The following COL8A1 variants were observed in gnomAD, a reference collection of about 807,000 sequenced individuals.
The protein encoded by COL8A1 is collagen alpha-1(VIII) chain.
Under a neutral mutation model 42.7 loss-of-function variants are expected in COL8A1, and 21 were observed. The ratio of observed to expected loss-of-function variants is 0.49; its 90% CI spans 0.35 to 0.71. COL8A1 has a LOEUF of 0.71. COL8A1 is among the 30% of genes least tolerant of loss of function. COL8A1 has a pLI of 0.01. For missense variants in COL8A1, 788 were observed against 962.4 expected, an observed-to-expected ratio of 0.82 and a Z score of 2.40; for synonymous variants, 367 against 369.1, an observed-to-expected ratio of 0.99 and a Z score of 0.06.
chr3:99,697,302 A>G (rs1165096537), intron 1 of COL8A1, among the ~76,000 whole-genome samples: 1 of 152,348 alleles, frequency 6.6e-6, no homozygotes, highest in South Asian at 2.1e-4. Context: ...TTAAAATAAC[A>G]CAAAGAACTT....
At chr3:99,693,521 TTG>T (rs1939282828) in intron 1 of COL8A1, among the ~76,000 whole-genome samples, 1 of 152,200 alleles carries the variant, frequency 6.6e-6, no homozygotes, top group Non-Finnish European at 1.5e-5. Flanking sequence ...ATGTGTGTGT[TTG>T]TGTTTTTAAC....
intron 1 of COL8A1, among the ~76,000 whole-genome samples, chr3:99,667,880 T>C (rs537797923): frequency 6.6e-6 from 1 of 152,228 alleles, no homozygotes; most frequent in South Asian, 2.1e-4. Context: ...TAGGTTTTTA[T>C]CTCCTTGTAG....
At chr3:99,690,578 T>A (rs890158899) in intron 1 of COL8A1, among the ~76,000 whole-genome samples, 5 of 152,230 alleles carry the variant, frequency 3.3e-5, no homozygotes, top group Admixed American at 3.3e-4. Context: ...CAAAAAATAT[T>A]ATTGGATGTG....
chr3:99,668,308 C>T (rs989979091), intron 1 of COL8A1, among the ~76,000 whole-genome samples: 3 of 152,180 alleles, frequency 2.0e-5, no homozygotes, highest in African/African-American at 7.2e-5. Flanking sequence ...TACATGTCAT[C>T]AAATGCCCTT....
At chr3:99,730,147 T>A (rs919621151) in intron 1 of COL8A1, among the ~76,000 whole-genome samples, 1 of 152,144 alleles carries the variant, frequency 6.6e-6, no homozygotes, top group African/African-American at 2.4e-5. Flanking sequence ...GAATAGAATC[T>A]TTATTTCCAT....
intron 1 of COL8A1, among the ~76,000 whole-genome samples, chr3:99,682,964 G>A (rs1230850672): frequency 6.6e-6 from 1 of 152,178 alleles, no homozygotes; most frequent in East Asian, 1.9e-4. Flanking sequence ...GCCACGAAGT[G>A]TAGAAAAAAT....
At position 99,731,624 on chromosome 3, in the gene COL8A1, C is replaced by T. The variant is rs992814119; in HGVS notation, c.-128-13273C>T. ...TTCAAAGTGCACCTCATCTGCTGTG[C>T]ACAGAGTAGAGCAAGAGTAGAGGTG... On this transcript the variant is annotated intron_variant, in intron 1 of 3. Transcript: ENST00000652472. Among the ~76,000 whole-genome samples, 23 of 152,116 alleles carry T rather than the reference C, an allele frequency of 1.5e-4. 1 individual carries two copies. The highest frequency in any genetic ancestry group is 5.1e-4 in the African/African-American group (21 of 41,432).
intron 2 of COL8A1, among the ~76,000 whole-genome samples, chr3:99,766,893 G>A (rs1334994257): frequency 2.6e-5 from 4 of 151,708 alleles, no homozygotes; most frequent in African/African-American, 9.7e-5. Context: ...AGGTTGCAGT[G>A]AGCCAATATC....
intron 2 of COL8A1, among the ~76,000 whole-genome samples, chr3:99,749,951 T>C (rs975105290): frequency 4.0e-5 from 6 of 151,870 alleles, no homozygotes; most frequent in African/African-American, 1.4e-4. Context: ...AAGGTAGAGA[T>C]TTAAAATTAT....
intron 2 of COL8A1, among the ~76,000 whole-genome samples, chr3:99,782,803 A>T (rs2107448916): frequency 6.6e-6 from 1 of 152,306 alleles, no homozygotes; most frequent in East Asian, 1.9e-4. Flanking sequence ...TCATTCTGCA[A>T]ATGAGGGAAC....
chr3:99,692,673 T>A (rs974138076), intron 1 of COL8A1, among the ~76,000 whole-genome samples: 1 of 152,216 alleles, frequency 6.6e-6, no homozygotes, highest in Non-Finnish European at 1.5e-5. Flanking sequence ...TACTATACAG[T>A]CATGAGCTAT....
intron 1 of COL8A1, among the ~76,000 whole-genome samples, chr3:99,668,134 CT>C (rs1021250379): frequency 2.6e-5 from 4 of 152,010 alleles, no homozygotes; most frequent in African/African-American, 9.7e-5. Flanking sequence ...GTAGACCTCC[CT>C]TTTTTTAAAC....
chr3:99,680,068 C>T (rs975291912), intron 1 of COL8A1: 3 of 152,052 alleles, frequency 2.0e-5, no homozygotes, highest in African/African-American at 7.2e-5. Context: ...CATATGTATA[C>T]ATGTGCCATG....
intron 2 of COL8A1, among the ~76,000 whole-genome samples, chr3:99,789,786 ACTTT>A (rs966251514): frequency 4.5e-4 from 69 of 152,336 alleles, no homozygotes; most frequent in African/African-American, 1.5e-3. Context: ...TGCTTTGTAA[ACTTT>A]CTTTCACAAA....
intron 1 of COL8A1, among the ~76,000 whole-genome samples, chr3:99,717,968 A>T (rs1348048565): frequency 6.6e-6 from 1 of 152,020 alleles, no homozygotes; most frequent in East Asian, 1.9e-4. Context: ...CTAAACAGAC[A>T]AGGGTCTTTG....
chr3:99,691,641 C>T (rs1939221380), intron 1 of COL8A1: 1 of 151,426 alleles, frequency 6.6e-6, no homozygotes, highest in South Asian at 2.1e-4. Flanking sequence ...TCACTGCCAC[C>T]CAGCCACCCT....
At chr3:99,727,499 G>A (rs1335309010) in intron 1 of COL8A1, among the ~76,000 whole-genome samples, 1 of 152,022 alleles carries the variant, frequency 6.6e-6, no homozygotes. Flanking sequence ...AAGGTGTAAG[G>A]AAGGGATCCA....
At chr3:99,739,402 G>T (rs978046099) in intron 1 of COL8A1, among the ~76,000 whole-genome samples, 5 of 152,166 alleles carry the variant, frequency 3.3e-5, no homozygotes, top group Non-Finnish European at 7.4e-5. Flanking sequence ...GACTATGTGT[G>T]GGGGGACCAA....
At chr3:99,664,347 C>G (rs1487290687) in intron 1 of COL8A1, among the ~76,000 whole-genome samples, 1 of 152,182 alleles carries the variant, frequency 6.6e-6, no homozygotes, top group Non-Finnish European at 1.5e-5. Context: ...AGCTTTCAGA[C>G]TGGCTCTACT....
Sources: allele counts gnomAD v4.1 joint callset (sites outside exome capture counted in the v4.1 genomes callset), GRCh38; gene constraint gnomAD v4.1.1; transcripts MANE v1.5; gene names NCBI Gene and HGNC (gene_info 2026-07-23, HGNC 2026-07-21).